The following WHAMM variants were observed in gnomAD, a reference collection of about 807,000 sequenced individuals.
WHAMM encodes WASP homolog associated with actin, golgi membranes and microtubules.
Under a neutral mutation model 76.5 loss-of-function variants are expected in WHAMM, and 67 were observed. The observed-to-expected ratio is 0.88, with a 90% confidence interval of 0.72 to 1.07. The LOEUF (loss-of-function observed/expected upper bound fraction) is 1.07, where lower values mean the gene tolerates loss of function less well. Among genes scored for constraint, WHAMM ranks in the 50% least tolerant of loss-of-function variants. The probability of loss-of-function intolerance (pLI) is 0.00; values close to 1 mark genes in which losing one functional copy is unlikely to be tolerated. For missense variants in WHAMM, 1,021 were observed against 1,051.1 expected (o/e 0.97, Z 0.40); for synonymous variants, 419 against 422.1 (o/e 0.99, Z 0.09).
chr15:82,823,210 C>T lies in WHAMM; in HGVS notation c.1381C>T (p.Leu461Phe), dbSNP rs1359258569. 1.3e-6 allele frequency: 2 copies of T among 1,589,108 alleles called. No individual in the cohort carries two copies. Among genetic ancestry groups the T allele is most frequent in the Non-Finnish European group, 1.7e-6 (2 of 1,165,322 alleles). The change falls in exon 6 of 10, where the codon CTC becomes TTC. Residue 461 changes from leucine (L) to phenylalanine (F), a missense_variant. Leu to Phe is a conservative substitution (Grantham distance 22). This residue lies in a region of WHAMM where 509 missense variants were observed against 492.3 expected (regional missense o/e 1.03). Coordinates refer to ENST00000286760, the MANE Select transcript of WHAMM (RefSeq NM_001080435.3). Reference protein sequence around the residue: ...QDDKNLEVKELRRQCQQLESK... With the variant: ...QDDKNLEVKEFRRQCQQLESK... The stretch of plus-strand genomic sequence containing the variant: ...TGATAAGAATTTGGAAGTGAAAGAA[C>T]TCAGAAGGCAGTGCCAGCAGCTGGA...
intron 8 of WHAMM, among the ~76,000 whole-genome samples, chr15:82,829,704 G>T (rs144160016): frequency 2.4e-4 from 37 of 151,984 alleles, no homozygotes; most frequent in Admixed American, 1.8e-3. Context: ...TTGCATGGGG[G>T]GGGTGTGTGT....
chr15:82,816,950 T>C, intron 3 of WHAMM, 108 bp downstream of exon 3: 1 of 1,145,950 alleles, frequency 8.7e-7, no homozygotes, highest in Non-Finnish European at 1.2e-6. Context: ...TTCTAGGTGC[T>C]GAGAATTCAG....
chr15:82,831,644 T>G (rs2046134561), intron 9 of WHAMM, among the ~76,000 whole-genome samples: 2 of 152,216 alleles, frequency 1.3e-5, no homozygotes, highest in Admixed American at 6.5e-5. Flanking sequence ...CCACTTGTCT[T>G]GGCAAGTGCA....
intron 2 of WHAMM, among the ~76,000 whole-genome samples, chr15:82,815,150 T>A (rs1401085127): frequency 1.2e-4 from 4 of 33,594 alleles, no homozygotes; most frequent in East Asian, 7.7e-4. Flanking sequence ...TATATATATA[T>A]ATATAGTACA....
intron 1 of WHAMM, chr15:82,810,773 G>A: frequency 1.0e-6 from 1 of 984,790 alleles, no homozygotes; most frequent in Non-Finnish European, 1.2e-6. Context: ...AGGAAGAAAT[G>A]GCTTTTAGGA....
At chr15:82,810,618 A>G (rs1230936129) in intron 1 of WHAMM, 12 of 985,352 alleles carry the variant, frequency 1.2e-5, no homozygotes, top group Admixed American at 6.1e-5. Flanking sequence ...AGATGCTGGC[A>G]GAGCAGGATG....
chr15:82,835,096 T>A lies in WHAMM; in HGVS notation c.*1560T>A, dbSNP rs1444495749. The A allele has an allele frequency of 1.3e-5, 2 of 151,602 alleles. No homozygotes were observed. The highest frequency in any genetic ancestry group is 2.9e-5 in the Non-Finnish European group (2 of 68,000). 9.4% of individuals were successfully genotyped at this position (151,602 alleles called of 1,614,324 possible). On this transcript the variant is annotated 3_prime_UTR_variant, in exon 10 of 10. Coordinates refer to ENST00000286760, the MANE Select transcript of WHAMM (RefSeq NM_001080435.3). The stretch of plus-strand genomic sequence containing the variant: ...CCTCGTTTACAAAGAAAGTCCTGAT[T>A]GATATAGAACAGAAATCTTCCTACT...
At chr15:82,826,669 T>C in intron 7 of WHAMM, 82 bp from the exon 8 acceptor site, 4 of 1,531,044 alleles carry the variant, frequency 2.6e-6, no homozygotes, top group Non-Finnish European at 3.5e-6. Flanking sequence ...AGCCTCTTTC[T>C]TTGCTGAGAC....
At chr15:82,822,068 A>G (rs562168647) in intron 5 of WHAMM, among the ~76,000 whole-genome samples, 4 of 152,206 alleles carry the variant, frequency 2.6e-5, no homozygotes, top group Non-Finnish European at 5.9e-5. Context: ...TCCTCTGAGA[A>G]TGACTCAGAA....
At position 82,810,116 on chromosome 15, in the gene WHAMM, G is replaced by A; in HGVS notation, c.390G>A (p.Leu130=). 2 of 1,341,052 alleles carry A rather than the reference G, an allele frequency of 1.5e-6. No homozygotes were observed. The highest frequency in any genetic ancestry group is 1.9e-6 in the Non-Finnish European group (2 of 1,039,764). The allele number at this position is 1,341,052 out of a possible 1,614,324, so 83.1% of individuals were successfully genotyped here. ...WGLGLGLWAL[L]WPTRAGPGEA... is the part of the protein sequence containing the mutation. ...TGGGGCTCGGGCTGTGGGCGCTGCT[G>A]TGGCCGACGCGCGCGGGTCCCGGCG... The change falls in exon 1 of 10, where the codon CTG becomes CTA. Residue 130 remains leucine, a synonymous_variant. Coordinates refer to ENST00000286760, the MANE Select transcript of WHAMM (RefSeq NM_001080435.3).
In WHAMM at chr15:82,809,886, C is replaced by A. The variant is rs767200206; in HGVS notation, c.160C>A (p.Arg54=). 5.1e-6 allele frequency: 8 copies of A among 1,555,096 alleles called. No homozygotes were observed. In the South Asian group the frequency reaches 7.0e-5, roughly 14 times the overall value. The change falls in exon 1 of 10, where the codon CGG becomes AGG. Residue 54 remains arginine (R), a synonymous_variant. Transcript: ENST00000286760. ...TCHDRTAQQR[R]LREGARLGPE... is the part of the protein sequence containing the mutation. ...TCACGACCGTACCGCGCAGCAGCGG[C>A]GGCTGCGCGAGGGGGCCCGGTTGGG... is the stretch of plus-strand genomic sequence containing the variant.
In WHAMM at chr15:82,809,754, G is replaced by A. The variant is rs1175123979; in HGVS notation, c.28G>A (p.Glu10Lys). 2 of 1,569,554 alleles carry A rather than the reference G, an allele frequency of 1.3e-6. No homozygotes were observed. The highest frequency in any genetic ancestry group is 3.6e-5 in the Admixed American group (2 of 56,110). The change falls in exon 1 of 10, where the codon GAG (glutamate) becomes AAG (lysine). Residue 10 changes from glutamate to lysine, a missense_variant. Physicochemically the swap from Glu to Lys is moderately conservative, Grantham distance 56 (BLOSUM62 1). Around this residue, in one of 3 missense-constraint regions of WHAMM, gnomAD observed 501 missense variants for 524.9 expected, o/e 0.95. Coordinates refer to ENST00000286760, the MANE Select transcript of WHAMM (RefSeq NM_001080435.3). ...GGAGGACGAGCAGCCTGACAGCCTG[G>A]AGGGCTGGGTGCCGGTCCGGGAGGG... MEDEQPDSL[E>K]GWVPVREGLF...
At chr15:82,816,875 ATG>A (rs1566992669) in intron 3 of WHAMM, 33 bp downstream of exon 3, 1 of 1,533,510 alleles carries the variant, frequency 6.5e-7, no homozygotes. Flanking sequence ...ATGAAGATAC[ATG>A]TAATTGATTA....
intron 8 of WHAMM, 117 bp from the exon 9 acceptor site, chr15:82,830,482 T>A: frequency 1.4e-6 from 2 of 1,458,792 alleles, no homozygotes; most frequent in Non-Finnish European, 1.8e-6. Context: ...AGGAGTCACT[T>A]TGTGAATTAG....
intron 9 of WHAMM, among the ~76,000 whole-genome samples, chr15:82,831,312 T>C (rs1566999546): frequency 1.3e-5 from 2 of 152,230 alleles, no homozygotes; most frequent in Non-Finnish European, 2.9e-5. Flanking sequence ...ACCATCTCTA[T>C]ACATTTAATG....
rs368773640 is a variant in WHAMM, at chr15:82,830,700, C to G, written c.1743C>G (p.His581Gln). The part of the protein sequence containing the change: ...LSQQMCLPAS[H>Q]AVSVIHPSSR... Reference sequence around the variant, plus strand: ...AGCAGATGTGCTTGCCAGCTTCCCACGCGGTGTCAGTAATTCACCCGTCCT... The same window carrying G: ...AGCAGATGTGCTTGCCAGCTTCCCAGGCGGTGTCAGTAATTCACCCGTCCT... Residue 581 changes from histidine (H) to glutamine (Q), a missense_variant, in exon 9 of 10, where the codon CAC (histidine) becomes CAG (glutamine). Around this residue, in one of 3 missense-constraint regions of WHAMM, gnomAD observed 509 missense variants for 492.3 expected, o/e 1.03. Coordinates refer to ENST00000286760, the MANE Select transcript of WHAMM (RefSeq NM_001080435.3). The G allele has an allele frequency of 1.1e-5, 18 of 1,613,838 alleles. No homozygotes were observed. Among genetic ancestry groups the G allele is most frequent in the Non-Finnish European group, 1.5e-5 (18 of 1,179,890 alleles).
chr15:82,811,370 T>C (rs1305612228), intron 1 of WHAMM, among the ~76,000 whole-genome samples: 1 of 152,212 alleles, frequency 6.6e-6, no homozygotes. Context: ...AAAAATGATA[T>C]CATTTTGTAT....
chr15:82,822,715 G>A (rs1264055682), intron 5 of WHAMM, among the ~76,000 whole-genome samples: 2 of 152,212 alleles, frequency 1.3e-5, no homozygotes, highest in Non-Finnish European at 2.9e-5. Context: ...TGGGATTACA[G>A]GCGTGAGCCC....
At chr15:82,825,895 A>C (rs534195452) in intron 6 of WHAMM, among the ~76,000 whole-genome samples, 1 of 152,316 alleles carries the variant, frequency 6.6e-6, no homozygotes, top group East Asian at 1.9e-4. Context: ...CTACTCAATA[A>C]ATGTTAGTAT....
Sources: gnomAD v4.1 joint callset for allele counts (sites outside exome capture counted in the v4.1 genomes callset) on GRCh38, gnomAD v4.1.1 for gene constraint, gnomAD v4.1.1 regional missense constraint, MANE v1.5 for transcripts, NCBI Gene and HGNC (gene_info 2026-07-23, HGNC 2026-07-21) for gene names.